The following LPP variants were observed in gnomAD, a reference collection of about 807,000 sequenced individuals.
LPP encodes the protein lipoma-preferred partner.
LPP carries 38 observed loss-of-function variants against 60.4 expected under a neutral mutation model. The ratio of observed to expected loss-of-function variants is 0.63; its 90% confidence interval spans 0.49 to 0.83. The LOEUF is 0.83. LPP is among the 40% of genes least tolerant of loss of function. The pLI, the probability that LPP is intolerant of heterozygous loss-of-function variation, is 0.00. For missense variants in LPP, 902 were observed against 783.6 expected (o/e 1.15, Z -1.80); for synonymous variants, 328 against 290.8 (o/e 1.13, Z -1.30).
intron 3 of LPP, among the ~76,000 whole-genome samples, chr3:188,396,620 G>A (rs1047447887): frequency 3.3e-5 from 5 of 152,164 alleles, no homozygotes; most frequent in Admixed American, 6.5e-5. Context: ...TTTTCCTATC[G>A]TCACTTTTTC....
chr3:188,214,706 G>C (rs946965876), intron 1 of LPP, among the ~76,000 whole-genome samples: 3 of 152,188 alleles, frequency 2.0e-5, no homozygotes, highest in Admixed American at 2.0e-4. Context: ...GGTGGTGACT[G>C]TAAGCCCTGT....
chr3:188,386,262 G>GCACACACACA (rs1491209525), intron 3 of LPP, among the ~76,000 whole-genome samples: 80 of 69,544 alleles, frequency 1.2e-3, no homozygotes, highest in African/African-American at 3.2e-3. Context: ...CATAGCATGC[G>GCACACACACA]CGCACACACA....
At chr3:188,184,685 C>CTT (rs34173936) in intron 1 of LPP, among the ~76,000 whole-genome samples, 8 of 124,692 alleles carry the variant, frequency 6.4e-5, no homozygotes, top group South Asian at 2.7e-4. Context: ...CTCCGGTAAA[C>CTT]TTTTTTTTTT....
At chr3:188,839,028 A>G (rs920018154) in intron 9 of LPP, among the ~76,000 whole-genome samples, 6 of 152,186 alleles carry the variant, frequency 3.9e-5, no homozygotes, top group Non-Finnish European at 5.9e-5. Flanking sequence ...AAAATTTTTT[A>G]AAATAAGAAG....
intron 2 of LPP, among the ~76,000 whole-genome samples, chr3:188,305,892 A>T (rs75013427): frequency 6.6e-6 from 1 of 151,842 alleles, no homozygotes; most frequent in Admixed American, 6.5e-5. Flanking sequence ...TGTCTTCAAT[A>T]GTTTAATTAC....
chr3:188,246,409 C>A (rs569227567), intron 2 of LPP, among the ~76,000 whole-genome samples: 1 of 152,190 alleles, frequency 6.6e-6, no homozygotes, highest in Non-Finnish European at 1.5e-5. Context: ...CTCTCTGCCC[C>A]TTCTCATATC....
At chr3:188,445,165 C>T (rs1578946853) in intron 4 of LPP, among the ~76,000 whole-genome samples, 1 of 152,148 alleles carries the variant, frequency 6.6e-6, no homozygotes, top group East Asian at 1.9e-4. Context: ...ATAAATCATT[C>T]CACTATAAAG....
Position 188,609,995 on chromosome 3 carries a change from GGA to G in LPP, c.1113+160_1113+161del, listed in dbSNP as rs960750845. 4.6e-5 allele frequency: 34 copies of G among 740,828 alleles called. No individual in the cohort carries two copies. Among genetic ancestry groups the G allele is most frequent in the Middle Eastern group, 3.8e-4 (1 of 2,644 alleles). The allele number at this position is 740,828 out of a possible 1,614,324, so 45.9% of individuals were successfully genotyped here. On this transcript the variant is annotated intron_variant, in intron 7 of 11. Transcript: ENST00000617246. This position sits in a 1 kb window ranked among gnomAD's most constrained non-coding sequence, Gnocchi z 6.9. ...AGGGAAGGATGAGTGAAGCCAGAGA[GGA>G]GAGAGAGACTACTTAGTATGTTACT...
chr3:188,526,797 T>C (rs773948050), intron 6 of LPP, among the ~76,000 whole-genome samples: 1 of 152,150 alleles, frequency 6.6e-6, no homozygotes, highest in East Asian at 1.9e-4. Flanking sequence ...TGTGGTCTTT[T>C]GGGGGAACCG....
At chr3:188,522,693 G>A (rs1819211005) in intron 5 of LPP, among the ~76,000 whole-genome samples, 1 of 150,540 alleles carries the variant, frequency 6.6e-6, no homozygotes, top group Non-Finnish European at 1.5e-5. Context: ...AAGGGTAGGG[G>A]AATAACATGA....
At chr3:188,480,293 G>A (rs1804413889) in intron 4 of LPP, among the ~76,000 whole-genome samples, 2 of 152,180 alleles carry the variant, frequency 1.3e-5, no homozygotes, top group Admixed American at 1.3e-4. Flanking sequence ...TCATTTAACT[G>A]TTTCTTGCTG....
intron 5 of LPP, among the ~76,000 whole-genome samples, chr3:188,505,263 C>T (rs1813123486): frequency 6.6e-6 from 1 of 152,140 alleles, no homozygotes; most frequent in Non-Finnish European, 1.5e-5. Flanking sequence ...CCTTTCACTT[C>T]CTTCGATTTT....
At chr3:188,345,542 G>A (rs1440064471) in intron 3 of LPP, among the ~76,000 whole-genome samples, 2 of 152,090 alleles carry the variant, frequency 1.3e-5, no homozygotes, top group African/African-American at 4.8e-5. Flanking sequence ...TAAGCAAGAG[G>A]ACAGAAGAAT....
chr3:188,293,409 C>G (rs1398709886), intron 2 of LPP, among the ~76,000 whole-genome samples: 2 of 152,180 alleles, frequency 1.3e-5, no homozygotes, highest in Non-Finnish European at 2.9e-5. Flanking sequence ...AATAAACTTA[C>G]CATCTTGATG....
At chr3:188,266,258 C>T (rs367718281) in intron 2 of LPP, among the ~76,000 whole-genome samples, 1 of 152,114 alleles carries the variant, frequency 6.6e-6, no homozygotes, top group South Asian at 2.1e-4. Flanking sequence ...AGTCACATAT[C>T]CCAGAAGTTT....
intron 4 of LPP, among the ~76,000 whole-genome samples, chr3:188,413,382 T>G (rs1222390149): frequency 6.6e-6 from 1 of 152,172 alleles, no homozygotes; most frequent in Non-Finnish European, 1.5e-5. Context: ...CTGACAGTCC[T>G]GTTAATTGCA....
rs751866264 is a variant in LPP at position 188,609,829 on chromosome 3, A to G, written c.1098A>G (p.Pro366=). Residue 366 remains proline (P), a synonymous_variant, in exon 7 of 12, where the codon CCA becomes CCG. Transcript: ENST00000617246. This position sits in a 1 kb window ranked among gnomAD's most constrained non-coding sequence, Gnocchi z 6.9. ...ATCCTGTTTCAGCCCCCTGTGCGCCACCATTGCAGCCAAAGGTAAGAAACT... is the reference window on the plus strand; with the variant it reads ...ATCCTGTTTCAGCCCCCTGTGCGCCGCCATTGCAGCCAAAGGTAAGAAACT... ...ITDPVSAPCA[P]PLQPKGGHSG... 3.1e-6 allele frequency: 5 copies of G among 1,610,692 alleles called. No homozygotes were observed. The highest frequency in any genetic ancestry group is 4.2e-6 in the Non-Finnish European group (5 of 1,178,664).
intron 9 of LPP, among the ~76,000 whole-genome samples, chr3:188,848,729 A>G (rs3846189): frequency 0.22 from 33,346 of 152,116 alleles, 5,323 homozygotes; most frequent in East Asian, 0.8. Context: ...GCACTTTGGG[A>G]GGCCGAGGCG....
chr3:188,265,180 T>C (rs1735038284), intron 2 of LPP, among the ~76,000 whole-genome samples: 1 of 152,228 alleles, frequency 6.6e-6, no homozygotes, highest in South Asian at 2.1e-4. Flanking sequence ...CTGCAGATTT[T>C]TCAGCTATTG....
Sources: gnomAD v4.1 joint callset for allele counts (sites outside exome capture counted in the v4.1 genomes callset) on GRCh38, gnomAD v4.1.1 for gene constraint, Gnocchi (gnomAD v3.1) non-coding constraint, MANE v1.5 for transcripts, NCBI Gene and HGNC (gene_info 2026-07-23, HGNC 2026-07-21) for gene names.